The following RFTN2 variants were observed in gnomAD, a reference collection of about 807,000 sequenced individuals.
RFTN2 encodes raftlin family member 2.
RFTN2 carries 34 observed loss-of-function variants against 52.7 expected under a neutral mutation model. That is an observed-to-expected ratio of 0.64 (90% CI 0.49 to 0.86). The LOEUF (loss-of-function observed/expected upper bound fraction) is 0.86, where lower values mean the gene tolerates loss of function less well. Ranked by LOEUF, RFTN2 falls within the 40% of genes least tolerant of loss-of-function variation. The pLI, the probability that RFTN2 is intolerant of heterozygous loss-of-function variation, is 0.00. For missense variants in RFTN2, 536 were observed against 600.1 expected (o/e 0.89, Z 1.12); for synonymous variants, 203 against 217.7 (o/e 0.93, Z 0.59).
At chr2:197,593,037 T>C (rs1438095735) in intron 8 of RFTN2, among the ~76,000 whole-genome samples, 1 of 152,174 alleles carries the variant, frequency 6.6e-6, no homozygotes, top group East Asian at 1.9e-4. Context: ...GTTAGAAAAA[T>C]TAAACATTTG....
At chr2:197,591,724 G>A (rs981238794) in intron 8 of RFTN2, among the ~76,000 whole-genome samples, 13 of 152,128 alleles carry the variant, frequency 8.5e-5, no homozygotes, top group African/African-American at 1.4e-4. Flanking sequence ...GCTAAGACCC[G>A]GTGAAAAATC....
Position 197,665,131 on chromosome 2 carries a change from C to A in RFTN2, c.139+10189G>T, listed in dbSNP as rs555380738. On this transcript the variant is annotated intron_variant, in intron 1 of 8. Coordinates refer to ENST00000295049, the MANE Select transcript of RFTN2 (RefSeq NM_144629.3). ...CCCGTGTAACAAACCTGCACATGTA[C>A]CTCCTGAATCTAAAATAAAAATTGA... Among the ~76,000 whole-genome samples, 7 of 152,208 alleles carry A rather than the reference C, an allele frequency of 4.6e-5. No individual in the cohort carries two copies. In the South Asian group the frequency reaches 1.5e-3, roughly 32 times the overall value.
chr2:197,602,077 T>C (rs1295951376), intron 7 of RFTN2, among the ~76,000 whole-genome samples: 1 of 152,176 alleles, frequency 6.6e-6, no homozygotes, highest in African/African-American at 2.4e-5. Flanking sequence ...ATTATTATTA[T>C]TATTTTGAGA....
At chr2:197,625,848 G>T (rs931365818) in intron 5 of RFTN2, among the ~76,000 whole-genome samples, 1 of 151,514 alleles carries the variant, frequency 6.6e-6, no homozygotes, top group Non-Finnish European at 1.5e-5. Context: ...GTGCAGTGCA[G>T]TGGTGTGATC....
At chr2:197,667,871 G>A (rs1219234218) in intron 1 of RFTN2, among the ~76,000 whole-genome samples, 1 of 152,156 alleles carries the variant, frequency 6.6e-6, no homozygotes, top group Admixed American at 6.5e-5. Flanking sequence ...TGAGGCACAT[G>A]TTGGCACTGG....
chr2:197,594,089 C>T (rs1341928618), intron 8 of RFTN2, among the ~76,000 whole-genome samples: 1 of 145,542 alleles, frequency 6.9e-6, no homozygotes, highest in Non-Finnish European at 1.5e-5. Flanking sequence ...GATCTTGGCT[C>T]ACTACAACCT....
At chr2:197,592,110 T>C (rs1399588768) in intron 8 of RFTN2, among the ~76,000 whole-genome samples, 1 of 152,202 alleles carries the variant, frequency 6.6e-6, no homozygotes, top group African/African-American at 2.4e-5. Flanking sequence ...GCCAGCACTC[T>C]GTCACCTCTC....
intron 1 of RFTN2, among the ~76,000 whole-genome samples, chr2:197,669,369 A>C (rs1478300287): frequency 7.0e-6 from 1 of 142,272 alleles, no homozygotes; most frequent in Non-Finnish European, 1.5e-5. Flanking sequence ...CTCACTTCCT[A>C]TTCAGCCTTT....
intron 3 of RFTN2, among the ~76,000 whole-genome samples, chr2:197,642,438 CT>C (rs962262329): frequency 6.6e-6 from 1 of 152,134 alleles, no homozygotes; most frequent in African/African-American, 2.4e-5. Context: ...CAACATTTAA[CT>C]TTTCATTTAA....
Position 197,646,495 on chromosome 2 carries a change from C to T in RFTN2, c.311G>A (p.Arg104His), listed in dbSNP as rs765379863. ...ASYLYRVVLL[R>H]LKLSPKNSAA... ...ATAGTGTGCTTACCTTAATTTCAAGCGCAATAGCACCACTCTGTATAGGTA... is the reference window on the plus strand; with the variant it reads ...ATAGTGTGCTTACCTTAATTTCAAGTGCAATAGCACCACTCTGTATAGGTA... Residue 104 changes from arginine to histidine, a missense_variant, in exon 2 of 9, where the codon CGC (arginine) becomes CAC (histidine). Transcript: ENST00000295049. 40 of 1,612,386 alleles carry T rather than the reference C, an allele frequency of 2.5e-5. No individual in the cohort carries two copies. Among genetic ancestry groups the T allele is most frequent in the Non-Finnish European group, 3.3e-5 (39 of 1,179,314 alleles).
At chr2:197,662,608 A>G (rs2088993709) in intron 1 of RFTN2, among the ~76,000 whole-genome samples, 1 of 151,756 alleles carries the variant, frequency 6.6e-6, no homozygotes, top group African/African-American at 2.4e-5. Flanking sequence ...TTCCATAAAA[A>G]TTTTGGTATT....
chr2:197,618,017 G>C, intron 5 of RFTN2, 96 bp from the exon 6 acceptor site: 1 of 987,186 alleles, frequency 1.0e-6, no homozygotes, highest in Non-Finnish European at 1.4e-6. Flanking sequence ...GAAACTGAAG[G>C]AAAAACATTT....
intron 7 of RFTN2, among the ~76,000 whole-genome samples, chr2:197,609,956 G>A (rs1014140006): frequency 2.6e-5 from 4 of 152,136 alleles, no homozygotes; most frequent in African/African-American, 9.7e-5. Flanking sequence ...TAAGGCCTCT[G>A]TTCTGTTCCA....
At chr2:197,605,152 T>C (rs2087938721) in intron 7 of RFTN2, among the ~76,000 whole-genome samples, 1 of 152,196 alleles carries the variant, frequency 6.6e-6, no homozygotes, top group African/African-American at 2.4e-5. Flanking sequence ...TAGTTGTAGA[T>C]TTATACATGA....
intron 5 of RFTN2, among the ~76,000 whole-genome samples, chr2:197,625,403 A>C (rs1488138697): frequency 6.6e-6 from 1 of 152,102 alleles, no homozygotes; most frequent in African/African-American, 2.4e-5. Context: ...AGGTGCAGAG[A>C]GGTAACACTC....
At chr2:197,652,448 G>T (rs1042708671) in intron 1 of RFTN2, among the ~76,000 whole-genome samples, 2 of 152,154 alleles carry the variant, frequency 1.3e-5, no homozygotes, top group African/African-American at 2.4e-5. Flanking sequence ...TTCTAAAAGT[G>T]ATTCAGAAGA....
Position 197,629,675 on chromosome 2 carries a change from T to TACACACACACACACACACACAC in RFTN2, c.928+1314_928+1335dup, listed in dbSNP as rs60384360. On this transcript the variant is annotated intron_variant, in intron 5 of 8. Coordinates refer to ENST00000295049, the MANE Select transcript of RFTN2 (RefSeq NM_144629.3). ...TATGAAGAAATATTTTTAATTTTTA[T>TACACACACACACACACACACAC]ACACACACACACACACACACACACA... 2.8e-3 allele frequency among the ~76,000 whole-genome samples: 411 copies of TACACACACACACACACACACAC among 146,580 alleles called. 1 individual carries two copies. The highest frequency in any genetic ancestry group is 9.3e-3 in the African/African-American group (366 of 39,210).
intron 1 of RFTN2, among the ~76,000 whole-genome samples, chr2:197,668,452 T>C (rs2089092626): frequency 6.6e-6 from 1 of 152,046 alleles, no homozygotes; most frequent in African/African-American, 2.4e-5. Context: ...GTGGGGAACA[T>C]ATGTGATGCT....
At chr2:197,605,424 C>T (rs1188631800) in intron 7 of RFTN2, among the ~76,000 whole-genome samples, 3 of 152,026 alleles carry the variant, frequency 2.0e-5, no homozygotes, top group Admixed American at 2.0e-4. Flanking sequence ...ACTGTGTTAG[C>T]CAGGATGATC....
Sources: gnomAD v4.1 joint callset for allele counts (sites outside exome capture counted in the v4.1 genomes callset) on GRCh38, gnomAD v4.1.1 for gene constraint, MANE v1.5 for transcripts, NCBI Gene and HGNC (gene_info 2026-07-23, HGNC 2026-07-21) for gene names.